Variants in RBFOX3 observed in about 807,000 individuals in gnomAD.
The protein encoded by RBFOX3 is RNA binding fox-1 homolog 3.
A neutral mutation model predicts 48.7 loss-of-function variants in RBFOX3; 17 were observed. That is an observed-to-expected ratio of 0.35 (90% confidence interval 0.24 to 0.52). The LOEUF is 0.52. RBFOX3 is among the 20% of genes least tolerant of loss of function. The pLI, the probability that RBFOX3 is intolerant of heterozygous loss-of-function variation, is 0.94. For missense variants in RBFOX3, 382 were observed against 497.5 expected (o/e 0.77, Z 2.21); for synonymous variants, 212 against 209.5 (o/e 1.01, Z -0.10).
intron 2 of RBFOX3, among the ~76,000 whole-genome samples, chr17:79,400,390 ATG>A (rs1166240129): frequency 3.9e-5 from 6 of 152,108 alleles, no homozygotes; most frequent in Admixed American, 6.5e-5. Context: ...CTTTTCCTGT[ATG>A]TGTCTTCACA....
At chr17:79,178,075 G>C (rs776902524) in intron 4 of RBFOX3, among the ~76,000 whole-genome samples, 1 of 152,158 alleles carries the variant, frequency 6.6e-6, no homozygotes, top group Non-Finnish European at 1.5e-5. Context: ...TCTGTGTCCA[G>C]GGCCGGAGCT....
At position 79,473,882 on chromosome 17, in the gene RBFOX3, A is replaced by G. The variant is rs2077361384; in HGVS notation, c.-175+8572T>C. 6.6e-6 allele frequency among the ~76,000 whole-genome samples: 1 copy of G among 151,968 alleles called. No individual in the cohort carries two copies. On this transcript the variant is annotated intron_variant, in intron 2 of 14. Coordinates refer to ENST00000693108, the MANE Select transcript of RBFOX3 (RefSeq NM_001350451.2). This position sits in a 1 kb window ranked among gnomAD's most constrained non-coding sequence, Gnocchi z 4.2. ...CAGAACTAAAGTTAGGCTTGCCTTG[A>G]CCTCTACTTCTAAATTAATTTTCCT...
rs535416029 is a variant in RBFOX3, at chr17:79,322,223, G to T, written c.-174-14399C>A. Among the ~76,000 whole-genome samples the T allele has an allele frequency of 3.3e-5, 5 of 151,334 alleles. No individual in the cohort carries two copies. The South Asian group carries it at 1.1e-3, about 32-fold the overall frequency. ...AAACAGTAAAAAATACAGGGGGGTG[G>T]GTGGCAGGGAGAAGAGGGGCACCTC... On this transcript the variant is annotated intron_variant, in intron 2 of 14. Transcript: ENST00000693108.
At chr17:79,141,360 C>A (rs2041881786) in intron 4 of RBFOX3, among the ~76,000 whole-genome samples, 1 of 152,202 alleles carries the variant, frequency 6.6e-6, no homozygotes, top group Non-Finnish European at 1.5e-5. Flanking sequence ...ACCCAGAGAG[C>A]AGGGAAGGCT....
At chr17:79,381,174 C>G (rs1010068404) in intron 2 of RBFOX3, among the ~76,000 whole-genome samples, 1 of 151,684 alleles carries the variant, frequency 6.6e-6, no homozygotes, top group African/African-American at 2.4e-5. Context: ...GCAGGAGAAT[C>G]GCTTGAAGCT....
chr17:79,588,648 C>G (rs2093326197), intron 1 of RBFOX3, among the ~76,000 whole-genome samples: 1 of 152,186 alleles, frequency 6.6e-6, no homozygotes, highest in African/African-American at 2.4e-5. Flanking sequence ...AGCCCTCCCC[C>G]AAGAGACCTG....
Position 79,311,843 on chromosome 17 carries a change from T to C in RBFOX3, c.-174-4019A>G, listed in dbSNP as rs2076898987. ...AGGCAGCCCAAAGCCTCATGTCTGC[T>C]TGGGGGCAAGGACAGCATTCTCACG... On this transcript the variant is annotated intron_variant, in intron 2 of 14. Transcript: ENST00000693108. This position sits in a 1 kb window ranked among gnomAD's most constrained non-coding sequence, Gnocchi z 4.2. Among the ~76,000 whole-genome samples, 1 of 152,074 alleles carries C rather than the reference T, an allele frequency of 6.6e-6. No individual in the cohort carries two copies. Among genetic ancestry groups the C allele is most frequent in the Admixed American group, 6.5e-5 (1 of 15,268 alleles).
rs574452782 is a variant in RBFOX3 at position 79,327,457 on chromosome 17, G to A, written c.-174-19633C>T. ...TGATGGGTCGGTGGCCTGAGCGATG[G>A]TGTCCAGCTCAGCAGCAGCGACCAC... is the stretch of plus-strand genomic sequence containing the variant. On this transcript the variant is annotated intron_variant, in intron 2 of 14. Transcript: ENST00000693108. 1.2e-3 allele frequency among the ~76,000 whole-genome samples: 186 copies of A among 152,354 alleles called. 1 individual carries two copies. The highest frequency in any genetic ancestry group is 2.5e-3 in the South Asian group (12 of 4,828).
intron 4 of RBFOX3, among the ~76,000 whole-genome samples, chr17:79,233,127 C>T (rs539837565): frequency 1.1e-4 from 17 of 152,288 alleles, no homozygotes; most frequent in Non-Finnish European, 1.5e-4. Flanking sequence ...AATGAGTCAG[C>T]GCTTTGTAGC....
chr17:79,101,742 AC>A (rs974569572), intron 8 of RBFOX3, 98 bp from the exon 9 acceptor site: 2 of 1,038,478 alleles, frequency 1.9e-6, no homozygotes, highest in African/African-American at 1.7e-5. Context: ...AGCCCCCGGC[AC>A]CCCCCGCCCC....
chr17:79,148,074 C>T (rs1040429692), intron 4 of RBFOX3, among the ~76,000 whole-genome samples: 3 of 152,068 alleles, frequency 2.0e-5, no homozygotes, highest in African/African-American at 4.8e-5. Flanking sequence ...ATTTCCTCAC[C>T]GTGGGACCCC....
chr17:79,446,668 A>G (rs1017281180), intron 2 of RBFOX3, among the ~76,000 whole-genome samples: 1 of 152,190 alleles, frequency 6.6e-6, no homozygotes, highest in Non-Finnish European at 1.5e-5. Flanking sequence ...ATTTCTGCAT[A>G]ACCTGTCTCT....
chr17:79,201,146 G>A (rs149548841), intron 4 of RBFOX3, among the ~76,000 whole-genome samples: 104 of 151,694 alleles, frequency 6.9e-4, no homozygotes, highest in Non-Finnish European at 1.2e-3. Context: ...ATCCGGATCC[G>A]ATGGAGCTGT....
chr17:79,176,063 C>G (rs2145904297), intron 4 of RBFOX3, among the ~76,000 whole-genome samples: 1 of 152,326 alleles, frequency 6.6e-6, no homozygotes, highest in East Asian at 1.9e-4. Context: ...ACTCTGGACT[C>G]TAAACTCAGG....
chr17:79,396,692 G>A (rs1210966252), intron 2 of RBFOX3, among the ~76,000 whole-genome samples: 2 of 152,250 alleles, frequency 1.3e-5, no homozygotes, highest in East Asian at 3.9e-4. Context: ...GGCCTGGGTA[G>A]GCCCACCTAC....
chr17:79,425,723 G>A (rs1447382928), intron 2 of RBFOX3, among the ~76,000 whole-genome samples: 1 of 152,102 alleles, frequency 6.6e-6, no homozygotes, highest in Non-Finnish European at 1.5e-5. Flanking sequence ...CTTAGAAGGC[G>A]GCAAGAGCAG....
At chr17:79,599,427 T>C (rs898748222) in intron 1 of RBFOX3, 6 of 152,268 alleles carry the variant, frequency 3.9e-5, no homozygotes, top group Non-Finnish European at 8.8e-5. Flanking sequence ...TCCTCGCGTG[T>C]GCCGATGGGG....
intron 4 of RBFOX3, among the ~76,000 whole-genome samples, chr17:79,185,109 C>T (rs1203994108): frequency 1.3e-5 from 2 of 151,646 alleles, no homozygotes; most frequent in East Asian, 1.9e-4. Context: ...TCATCTTCTT[C>T]GTAGAGGAGC....
rs1212522323 is a variant in RBFOX3, at chr17:79,467,074, G to A, written c.-175+15380C>T. On this transcript the variant is annotated intron_variant, in intron 2 of 14. Coordinates refer to ENST00000693108, the MANE Select transcript of RBFOX3 (RefSeq NM_001350451.2). ...CTAGATAAGGTGCAGAGCTGGCACT[G>A]CCACGGGCATGTGTTATGGCCTCAT... is the stretch of plus-strand genomic sequence containing the variant. Among the ~76,000 whole-genome samples, 5 of 152,172 alleles carry A rather than the reference G, an allele frequency of 3.3e-5. No individual in the cohort carries two copies. The East Asian group carries it at 7.7e-4, about 24-fold the overall frequency.
Sources: gnomAD v4.1 joint callset for allele counts (sites outside exome capture counted in the v4.1 genomes callset) on GRCh38, gnomAD v4.1.1 for gene constraint, Gnocchi (gnomAD v3.1) non-coding constraint, MANE v1.5 for transcripts, NCBI Gene and HGNC (gene_info 2026-07-23, HGNC 2026-07-21) for gene names.